Variants in GLP1R observed in about 807,000 individuals in gnomAD.
The protein encoded by GLP1R is glucagon-like peptide 1 receptor.
GLP1R carries 32 observed loss-of-function variants against 68.4 expected under a neutral mutation model. The ratio of observed to expected loss-of-function variants is 0.47; its 90% CI spans 0.35 to 0.63. The LOEUF is 0.63. Ranked by LOEUF, GLP1R falls within the 20% of genes least tolerant of loss-of-function variation. The probability of loss-of-function intolerance (pLI) is 0.00; values close to 1 mark genes in which losing one functional copy is unlikely to be tolerated. For synonymous variants in GLP1R, 263 were observed against 244.4 expected (o/e 1.08, Z -0.71); for missense variants, 502 against 594.9 (o/e 0.84, Z 1.62).
At chr6:39,077,081 A>C (rs145286220) in intron 7 of GLP1R, among the ~76,000 whole-genome samples, 599 of 152,280 alleles carry the variant, frequency 3.9e-3, no homozygotes, top group Admixed American at 6.3e-3. Flanking sequence ...TACTTAAAAC[A>C]ACGAACCATT....
At position 39,080,758 on chromosome 6, in the gene GLP1R, C is replaced by A; in HGVS notation, c.1224+19C>A. The A allele has an allele frequency of 6.5e-7, 1 of 1,544,712 alleles. No individual in the cohort carries two copies. The highest frequency in any genetic ancestry group is 8.8e-7 in the Non-Finnish European group (1 of 1,130,860). Reference sequence around the variant, plus strand: ...CAATGAGGTAAGCTCTGAGGAGGGACGGTGGGGACCCTGGTGGGTGGGTAC... The same window carrying A: ...CAATGAGGTAAGCTCTGAGGAGGGAAGGTGGGGACCCTGGTGGGTGGGTAC... On this transcript the variant is annotated intron_variant, in intron 12 of 12. Transcript: ENST00000373256.
In GLP1R at chr6:39,086,166, G is replaced by GACACACAC. The variant is rs34093988; in HGVS notation, c.*125_*132dup. On this transcript the variant is annotated 3_prime_UTR_variant, in exon 13 of 13. Coordinates refer to ENST00000373256, the MANE Select transcript of GLP1R (RefSeq NM_002062.5). This position sits in a 1 kb window ranked among gnomAD's most constrained non-coding sequence, Gnocchi z 4.5. ...ACTCCCAGGGACAAGGGAAGGAAGG[G>GACACACAC]ACACACACACACACACACACACACA... 2,865 of 582,510 alleles carry GACACACAC rather than the reference G, an allele frequency of 4.9e-3. 38 individuals are homozygous for GACACACAC. The highest frequency in any genetic ancestry group is 0.042 in the African/African-American group (2,010 of 47,524). The allele number at this position is 582,510 out of a possible 1,614,324, so 36.1% of individuals were successfully genotyped here.
Position 39,079,445 on chromosome 6 carries a change from G to T in GLP1R, c.1044-119G>T. 9.4e-7 allele frequency: 1 copy of T among 1,061,976 alleles called. No homozygotes were observed. 65.8% of individuals were successfully genotyped at this position (1,061,976 alleles called of 1,614,324 possible). A position where few individuals can be genotyped will look rare whatever the true frequency, so the allele number is the denominator to read the frequency against. On this transcript the variant is annotated intron_variant, in intron 10 of 12. Coordinates refer to ENST00000373256, the MANE Select transcript of GLP1R (RefSeq NM_002062.5). The surrounding 1 kb of genome is among the most constrained non-coding windows in gnomAD (Gnocchi z 4.5). Reference sequence around the variant, plus strand: ...CAGCCTGTCCCAGGGTATTTGGGGTGGGAGAACATCCATGACCCAGATATC... The same window carrying T: ...CAGCCTGTCCCAGGGTATTTGGGGTTGGAGAACATCCATGACCCAGATATC...
intron 3 of GLP1R, among the ~76,000 whole-genome samples, chr6:39,061,932 C>G (rs183140833): frequency 4.8e-4 from 73 of 152,316 alleles, no homozygotes; most frequent in Admixed American, 4.4e-3. Flanking sequence ...TCGAGCCTGG[C>G]CTTTGACCCT....
rs1394870150 is a variant in GLP1R, at chr6:39,072,898, C to T, written c.546C>T (p.Asn182=). 3 of 1,614,176 alleles carry T rather than the reference C, an allele frequency of 1.9e-6. No homozygotes were observed. The highest frequency in any genetic ancestry group is 1.7e-5 in the Admixed American group (1 of 60,028). ...GCACCAGGAACTACATCCACCTGAA[C>T]CTGTTTGCATCCTTCATCCTGCGAG... The part of the protein sequence containing the change: ...LHCTRNYIHL[N]LFASFILRAL... Residue 182 remains asparagine (N), a synonymous_variant, in exon 6 of 13, where the codon AAC becomes AAT. Transcript: ENST00000373256.
intron 5 of GLP1R, among the ~76,000 whole-genome samples, chr6:39,066,899 G>A (rs10305467): frequency 2.0e-5 from 3 of 152,194 alleles, no homozygotes; most frequent in Admixed American, 6.5e-5. Flanking sequence ...GGCAGCAAGA[G>A]CAGGAGAGGT....
intron 7 of GLP1R, among the ~76,000 whole-genome samples, chr6:39,077,042 C>T (rs1055356831): frequency 4.6e-5 from 7 of 152,300 alleles, no homozygotes; most frequent in African/African-American, 1.7e-4. Context: ...TTCTCTATTG[C>T]TGCAGAACGA....
In GLP1R at chr6:39,049,300, G is replaced by T. The variant is rs1490873910; in HGVS notation, c.78+382G>T. On this transcript the variant is annotated intron_variant, in intron 1 of 12. Coordinates refer to ENST00000373256, the MANE Select transcript of GLP1R (RefSeq NM_002062.5). The surrounding 1 kb of genome is among the most constrained non-coding windows in gnomAD (Gnocchi z 4.5). Reference sequence around the variant, plus strand: ...CCCTGGCACAGCCCGGCATCCTCCCGGACTCCCTCTGCCCCACAGTCTGAC... The same window carrying T: ...CCCTGGCACAGCCCGGCATCCTCCCTGACTCCCTCTGCCCCACAGTCTGAC... 6.6e-6 allele frequency among the ~76,000 whole-genome samples: 1 copy of T among 152,082 alleles called. No homozygotes were observed. The highest frequency in any genetic ancestry group is 1.5e-5 in the Non-Finnish European group (1 of 67,986).
intron 3 of GLP1R, among the ~76,000 whole-genome samples, chr6:39,062,614 G>A (rs1028100698): frequency 3.3e-5 from 5 of 152,234 alleles, no homozygotes; most frequent in Non-Finnish European, 7.3e-5. Context: ...TGGCAAGGGG[G>A]CCTGCTGGGA....
rs201383288 is a variant in GLP1R, at chr6:39,079,048, G to C, written c.954+22G>C. The C allele has an allele frequency of 6.2e-7, 1 of 1,612,262 alleles. No individual in the cohort carries two copies. On this transcript the variant is annotated intron_variant, in intron 9 of 12. Transcript: ENST00000373256. This position sits in a 1 kb window ranked among gnomAD's most constrained non-coding sequence, Gnocchi z 4.5. ...TGGGGTGAGTGATGGTGTCAGGGAT[G>C]GGAGTGGCAGCTATGATAGGGCTGG...
rs201289193 is a variant in GLP1R, at chr6:39,073,024, T to C, written c.663+9T>C. On this transcript the variant is annotated intron_variant, in intron 6 of 12. Transcript: ENST00000373256. ...GGCTCCTCTCCTACCAGGTGTGTGGTGCATCCAGGACCGCCTCAGGAGGGA... is the reference window on the plus strand; with the variant it reads ...GGCTCCTCTCCTACCAGGTGTGTGGCGCATCCAGGACCGCCTCAGGAGGGA... The C allele has an allele frequency of 6.2e-7, 1 of 1,613,000 alleles. No homozygotes were observed. The highest frequency in any genetic ancestry group is 1.3e-5 in the African/African-American group (1 of 75,030).
chr6:39,063,961 A>ACACC (rs1217789430), intron 3 of GLP1R, among the ~76,000 whole-genome samples: 28 of 104,938 alleles, frequency 2.7e-4, no homozygotes, highest in South Asian at 1.3e-3. Flanking sequence ...ACACACACAC[A>ACACC]CCCCACATTA....
chr6:39,084,715 C>G (rs1292314167), intron 12 of GLP1R, among the ~76,000 whole-genome samples: 1 of 152,238 alleles, frequency 6.6e-6, no homozygotes, highest in Non-Finnish European at 1.5e-5. Context: ...GCATGGGACA[C>G]TGGCGTCATC....
At position 39,089,979 on chromosome 6, in the gene GLP1R, C is replaced by A. The variant is rs1385877398; in HGVS notation, c.*3906C>A. ...TCTGCAAAGACACCTGTGTGAATGA[C>A]GTGCTAAACATTCAGCAGAAACCAA... On this transcript the variant is annotated 3_prime_UTR_variant, in exon 13 of 13. Coordinates refer to ENST00000373256, the MANE Select transcript of GLP1R (RefSeq NM_002062.5). The surrounding 1 kb of genome is among the most constrained non-coding windows in gnomAD (Gnocchi z 4.1). Among the ~76,000 whole-genome samples the A allele has an allele frequency of 6.6e-6, 1 of 152,194 alleles. No individual in the cohort carries two copies. The highest frequency in any genetic ancestry group is 6.5e-5 in the Admixed American group (1 of 15,284).
chr6:39,084,525 C>T lies in GLP1R; in HGVS notation c.1225-1381C>T, dbSNP rs780822860. Among the ~76,000 whole-genome samples, 87 of 152,284 alleles carry T rather than the reference C, an allele frequency of 5.7e-4. 1 individual carries two copies. The highest frequency in any genetic ancestry group is 6.8e-3 in the Middle Eastern group (2 of 294). ...GGAAGGGCTATGAAACAAGCCTGGC[C>T]TCCTGGCAGCTGCACAAGTGGGGGC... On this transcript the variant is annotated intron_variant, in intron 12 of 12. Transcript: ENST00000373256.
chr6:39,073,606 C>G lies in GLP1R; in HGVS notation c.664-4C>G. The G allele has an allele frequency of 1.9e-6, 3 of 1,613,508 alleles. No individual in the cohort carries two copies. Among genetic ancestry groups the G allele is most frequent in the Non-Finnish European group, 2.5e-6 (3 of 1,179,734 alleles). On this transcript the variant is annotated splice_polypyrimidine_tract_variant and splice_region_variant and intron_variant, in intron 6 of 12. Coordinates refer to ENST00000373256, the MANE Select transcript of GLP1R (RefSeq NM_002062.5). ...TCCCCATGACACCCTTCCTCTACCCCCAGGACTCTCTGAGCTGCCGCCTGG... is the reference window on the plus strand; with the variant it reads ...TCCCCATGACACCCTTCCTCTACCCGCAGGACTCTCTGAGCTGCCGCCTGG...
chr6:39,058,187 G>A (rs984335203), intron 3 of GLP1R, among the ~76,000 whole-genome samples: 1 of 152,212 alleles, frequency 6.6e-6, no homozygotes, highest in Non-Finnish European at 1.5e-5. Context: ...AGCTGGGTGG[G>A]GACAGACTCT....
chr6:39,066,055 C>T (rs1015975779), intron 4 of GLP1R, 142 bp from the exon 5 acceptor site: 40 of 624,142 alleles, frequency 6.4e-5, no homozygotes, highest in Non-Finnish European at 9.8e-5. Context: ...CCGTAGGTTA[C>T]GGTTATTCTC....
At chr6:39,061,663 G>A (rs932600083) in intron 3 of GLP1R, among the ~76,000 whole-genome samples, 3 of 152,140 alleles carry the variant, frequency 2.0e-5, no homozygotes, top group African/African-American at 4.8e-5. Flanking sequence ...ACCGGCATGG[G>A]GGAGGATGTT....
Sources: gnomAD v4.1 joint callset for allele counts (sites outside exome capture counted in the v4.1 genomes callset) on GRCh38, gnomAD v4.1.1 for gene constraint, Gnocchi (gnomAD v3.1) non-coding constraint, MANE v1.5 for transcripts, NCBI Gene and HGNC (gene_info 2026-07-23, HGNC 2026-07-21) for gene names.